Variants in SEMA4D observed in about 807,000 individuals in gnomAD.
The protein encoded by SEMA4D is semaphorin 4D, also known as semaphorin-4D.
In SEMA4D, 22 loss-of-function variants were observed where a neutral mutation model predicts 74.8. That is an observed-to-expected ratio of 0.29 (90% CI 0.21 to 0.42). The LOEUF (loss-of-function observed/expected upper bound fraction) is 0.42, where lower values mean the gene tolerates loss of function less well. SEMA4D is among the 10% of genes least tolerant of loss of function. The pLI, the probability that SEMA4D is intolerant of heterozygous loss-of-function variation, is 1.00. For synonymous variants in SEMA4D, 445 were observed against 463.7 expected, an observed-to-expected ratio of 0.96 and a Z score of 0.52; for missense variants, 937 against 1,118.4, an observed-to-expected ratio of 0.84 and a Z score of 2.31.
chr9:89,483,692 C>G (rs1263702057), intron 1 of SEMA4D, among the ~76,000 whole-genome samples: 1 of 101,190 alleles, frequency 9.9e-6, no homozygotes, highest in Non-Finnish European at 2.2e-5. Context: ...TAGTTAAGGG[C>G]GGCTGTTATG....
At chr9:89,496,791 C>T (rs1826050531) in intron 1 of SEMA4D, among the ~76,000 whole-genome samples, 1 of 152,234 alleles carries the variant, frequency 6.6e-6, no homozygotes, top group Non-Finnish European at 1.5e-5. Context: ...GGCCCCAGGC[C>T]TAGGACACAT....
rs1361327750 is a variant in SEMA4D at position 89,484,155 on chromosome 9, C to T, written c.-310+13764G>A. On this transcript the variant is annotated intron_variant, in intron 1 of 15. Coordinates refer to ENST00000422704, the MANE Select transcript of SEMA4D (RefSeq NM_001371194.2). This position sits in a 1 kb window ranked among gnomAD's most constrained non-coding sequence, Gnocchi z 4.1. ...AAAGAGGACGCCGCGGCCACCCCGC[C>T]CTGCAGGCCCACCTGCAGCTGGGCT... Among the ~76,000 whole-genome samples, 5 of 152,238 alleles carry T rather than the reference C, an allele frequency of 3.3e-5. No individual in the cohort carries two copies.
intron 16 of SEMA4D, chr9:89,368,395 AGG>A (rs1411875644): frequency 1.3e-5 from 2 of 152,924 alleles, no homozygotes; most frequent in East Asian, 3.9e-4. Flanking sequence ...TCTTTTCCCG[AGG>A]ATCCCACTGC....
intron 2 of SEMA4D, among the ~76,000 whole-genome samples, chr9:89,453,655 C>A (rs1481207379): frequency 6.6e-6 from 1 of 150,600 alleles, no homozygotes; most frequent in African/African-American, 2.5e-5. Flanking sequence ...ACAGCCCTGA[C>A]GGTCAGGTTC....
chr9:89,364,939 G>A (rs1217459749), intron 16 of SEMA4D: 2 of 151,656 alleles, frequency 1.3e-5, no homozygotes, highest in African/African-American at 4.9e-5. Flanking sequence ...CCAGAATGTT[G>A]GGGGTTTTGG....
At chr9:89,399,067 G>GT (rs1355579350) in intron 5 of SEMA4D, among the ~76,000 whole-genome samples, 1 of 152,300 alleles carries the variant, frequency 6.6e-6, no homozygotes, top group Admixed American at 6.5e-5. Context: ...GGCCAAATAT[G>GT]TTTGGCACCT....
rs1839822028 is a variant in SEMA4D, at chr9:89,391,339, G to T, written c.699C>A (p.Phe233Leu). ...ACTCCACAGACACCTCCGTGAAGAA[G>T]AAGTAGACCCTGTCATCCTCGCCGT... ...SPDGEDDRVY[F>L]FFTEVSVEYE... Residue 233 changes from phenylalanine to leucine, a missense_variant, in exon 9 of 16, where the codon TTC becomes TTA. Coordinates refer to ENST00000422704, the MANE Select transcript of SEMA4D (RefSeq NM_001371194.2). 6.2e-7 allele frequency: 1 copy of T among 1,614,280 alleles called. No homozygotes were observed. Among genetic ancestry groups the T allele is most frequent in the Non-Finnish European group, 8.5e-7 (1 of 1,180,050 alleles).
At chr9:89,439,668 G>C (rs2135049366) in intron 2 of SEMA4D, among the ~76,000 whole-genome samples, 1 of 152,308 alleles carries the variant, frequency 6.6e-6, no homozygotes, top group East Asian at 1.9e-4. Flanking sequence ...AAAGGTGTCA[G>C]CTCAGCCGGC....
chr9:89,376,233 T>C (rs1196593996), downstream of SEMA4D, among the ~76,000 whole-genome samples: 1 of 152,228 alleles, frequency 6.6e-6, no homozygotes, highest in Non-Finnish European at 1.5e-5. Context: ...TCCAAATTGT[T>C]AGCAGAAATA....
chr9:89,431,177 C>A (rs555897246), intron 2 of SEMA4D, among the ~76,000 whole-genome samples: 4 of 152,204 alleles, frequency 2.6e-5, no homozygotes, highest in Admixed American at 2.0e-4. Flanking sequence ...AAAACCCAGT[C>A]ATAAAAGGTC....
At chr9:89,453,809 T>TA (rs1329430691) in intron 2 of SEMA4D, among the ~76,000 whole-genome samples, 2 of 152,008 alleles carry the variant, frequency 1.3e-5, no homozygotes, top group South Asian at 4.1e-4. Context: ...AAAAGTCCCT[T>TA]AAAAGTTATT....
intron 2 of SEMA4D, chr9:89,449,609 G>A (rs567450763): frequency 5.3e-5 from 56 of 1,063,488 alleles, no homozygotes; most frequent in South Asian, 3.4e-4. Flanking sequence ...GGACCTGGTC[G>A]TGACCAACTA....
At chr9:89,431,158 C>T (rs1472046386) in intron 2 of SEMA4D, among the ~76,000 whole-genome samples, 2 of 152,216 alleles carry the variant, frequency 1.3e-5, no homozygotes, top group Non-Finnish European at 2.9e-5. Flanking sequence ...TGCAAGCTTA[C>T]TCATGTAAAA....
At chr9:89,478,781 A>T (rs998987058) in intron 1 of SEMA4D, among the ~76,000 whole-genome samples, 1 of 66,164 alleles carries the variant, frequency 1.5e-5, no homozygotes, top group Non-Finnish European at 3.2e-5. Flanking sequence ...ACCCCACCCC[A>T]CCCCAAGGCC....
At chr9:89,361,948 G>C (rs756583947) in exon 19 of SEMA4D, 26 of 186,464 alleles carry the variant, frequency 1.4e-4, no homozygotes, top group Non-Finnish European at 2.2e-5. Flanking sequence ...TAAAAGCAGC[G>C]ATCTGTGCTG....
At chr9:89,496,537 G>GA (rs1288244224) in intron 1 of SEMA4D, among the ~76,000 whole-genome samples, 1 of 152,170 alleles carries the variant, frequency 6.6e-6, no homozygotes, top group Admixed American at 6.5e-5. Flanking sequence ...TTTGCTCACA[G>GA]AAACAGGCCA....
chr9:89,486,116 TC>T (rs906714965), intron 1 of SEMA4D, among the ~76,000 whole-genome samples: 1 of 152,214 alleles, frequency 6.6e-6, no homozygotes. Context: ...TTGTTTCCAA[TC>T]TGTCTTTCCA....
intron 2 of SEMA4D, among the ~76,000 whole-genome samples, chr9:89,420,697 TG>T (rs1201449256): frequency 6.6e-6 from 1 of 152,204 alleles, no homozygotes; most frequent in Non-Finnish European, 1.5e-5. Flanking sequence ...AGAAGACAAG[TG>T]GGATGAAGCA....
At chr9:89,485,787 T>C (rs1825137489) in intron 1 of SEMA4D, among the ~76,000 whole-genome samples, 1 of 21,654 alleles carries the variant, frequency 4.6e-5, no homozygotes, top group African/African-American at 2.0e-4. Context: ...AAACTCCATC[T>C]CAAAAAAAAA....
Sources: allele counts gnomAD v4.1 joint callset (sites outside exome capture counted in the v4.1 genomes callset), GRCh38; gene constraint gnomAD v4.1.1; non-coding constraint Gnocchi (gnomAD v3.1); transcripts MANE v1.5; gene names NCBI Gene and HGNC (gene_info 2026-07-23, HGNC 2026-07-21).